Variants in USP49 observed in about 807,000 individuals in gnomAD.
USP49 encodes ubiquitin specific peptidase 49.
In USP49, 24 loss-of-function variants were observed where a neutral mutation model predicts 58.6. The ratio of observed to expected loss-of-function variants is 0.41; its 90% CI spans 0.30 to 0.58. USP49 has a LOEUF of 0.58. USP49 is among the 20% of genes least tolerant of loss of function. The pLI, the probability that USP49 is intolerant of heterozygous loss-of-function variation, is 0.30. For synonymous variants in USP49, 408 were observed against 365.1 expected (o/e 1.12, Z -1.34); for missense variants, 703 against 866.1 (o/e 0.81, Z 2.36).
At chr6:41,878,734 A>G (rs1337875726) in intron 2 of USP49, among the ~76,000 whole-genome samples, 1 of 152,230 alleles carries the variant, frequency 6.6e-6, no homozygotes, top group Non-Finnish European at 1.5e-5. Context: ...TAATGAGAAA[A>G]CATTTATGAA....
chr6:41,822,421 C>T (rs951472527), intron 3 of USP49, among the ~76,000 whole-genome samples: 33 of 152,158 alleles, frequency 2.2e-4, no homozygotes, highest in African/African-American at 7.0e-4. Flanking sequence ...GGTGGTTGTT[C>T]TAAGAAATGG....
At chr6:41,811,150 A>C (rs977166898) in intron 3 of USP49, among the ~76,000 whole-genome samples, 2 of 152,176 alleles carry the variant, frequency 1.3e-5, no homozygotes, top group Admixed American at 1.3e-4. Context: ...AAACCCTCAA[A>C]TCATACAAAG....
At chr6:41,847,542 C>T (rs1358183852) in intron 3 of USP49, among the ~76,000 whole-genome samples, 1 of 151,892 alleles carries the variant, frequency 6.6e-6, no homozygotes, top group Non-Finnish European at 1.5e-5. Context: ...GGTGAAACCC[C>T]GTTTCTACTA....
chr6:41,856,374 CAAA>C (rs534562516), intron 3 of USP49, among the ~76,000 whole-genome samples: 1 of 118,214 alleles, frequency 8.5e-6, no homozygotes, highest in Admixed American at 8.4e-5. Context: ...GACCCCGTCT[CAAA>C]AAAAAAAAAA....
At chr6:41,825,927 T>A (rs1013502404) in intron 3 of USP49, among the ~76,000 whole-genome samples, 1 of 152,190 alleles carries the variant, frequency 6.6e-6, no homozygotes, top group African/African-American at 2.4e-5. Flanking sequence ...ATATGTATCA[T>A]CACTATACCT....
intron 3 of USP49, chr6:41,869,523 A>G (rs1774379166): frequency 6.6e-6 from 1 of 152,196 alleles, no homozygotes; most frequent in Non-Finnish European, 1.5e-5. Flanking sequence ...GAGGCTGGAC[A>G]ACATAGCGAG....
intron 3 of USP49, among the ~76,000 whole-genome samples, chr6:41,857,784 G>C (rs1245172251): frequency 6.6e-6 from 1 of 152,084 alleles, no homozygotes; most frequent in East Asian, 1.9e-4. Flanking sequence ...TTAAGACCCG[G>C]AATAATGAGC....
At position 41,791,251 on chromosome 6, in the gene USP49, G is replaced by A. The variant is rs1490353942; in HGVS notation, c.*5282C>T. On this transcript the variant is annotated 3_prime_UTR_variant, in exon 8 of 8. Transcript: ENST00000682992. ...GTTTTAAAGCCATAATTATGGTTGA[G>A]TAAGGATTCATTTATTTATTTATTA... The A allele has an allele frequency of 6.6e-6, 1 of 152,216 alleles. No homozygotes were observed. The highest frequency in any genetic ancestry group is 1.5e-5 in the Non-Finnish European group (1 of 68,044). 9.4% of individuals were successfully genotyped at this position (152,216 alleles called of 1,614,324 possible).
intron 3 of USP49, among the ~76,000 whole-genome samples, chr6:41,843,154 C>T (rs981221743): frequency 1.3e-4 from 20 of 152,274 alleles, no homozygotes; most frequent in African/African-American, 4.6e-4. Flanking sequence ...GGGCTACAGG[C>T]GTAGGCCACC....
In USP49 at chr6:41,803,973, A is replaced by G. The variant is rs1385109205; in HGVS notation, c.1394T>C (p.Ile465Thr). Residue 465 changes from isoleucine to threonine, a missense_variant, in exon 5 of 8, where the codon ATT becomes ACT. Physicochemically the swap from Ile to Thr is moderately conservative, Grantham distance 89 (BLOSUM62 -1). Transcript: ENST00000682992. The surrounding 1 kb of genome is among the most constrained non-coding windows in gnomAD (Gnocchi z 4.1). ...CAGGGATAGGTCCCAAAAGGGCTCA[A>G]TGGTATTGGATTTGTAATTGCATGA... ...CISCNYKSNT[I>T]EPFWDLSLEF... is the part of the protein sequence containing the mutation. 15 of 1,614,172 alleles carry G rather than the reference A, an allele frequency of 9.3e-6. No homozygotes were observed. Among genetic ancestry groups the G allele is most frequent in the Middle Eastern group, 1.6e-4 (1 of 6,062 alleles).
Position 41,806,602 on chromosome 6 carries a change from G to A in USP49, c.382C>T (p.Leu128=), listed in dbSNP as rs111948785. ...TGTCCCTGAGGAGCGCGCTGCGGCA[G>A]GACCACGTCCTCACCCGAAGCCATG... ...RSMASGEDVV[L]PQRAPQGQPQ... is the part of the protein sequence containing the mutation. Residue 128 remains leucine (L), a synonymous_variant, in exon 4 of 8, where the codon CTG becomes TTG. Coordinates refer to ENST00000682992, the MANE Select transcript of USP49 (RefSeq NM_001286554.2). The surrounding 1 kb of genome is among the most constrained non-coding windows in gnomAD (Gnocchi z 5.9). The A allele has an allele frequency of 3.4e-5, 54 of 1,608,176 alleles. No individual in the cohort carries two copies. The Admixed American group carries it at 8.0e-4, about 24-fold the overall frequency.
intron 3 of USP49, among the ~76,000 whole-genome samples, chr6:41,822,169 T>G (rs959694562): frequency 2.0e-5 from 3 of 152,198 alleles, no homozygotes; most frequent in African/African-American, 7.2e-5. Context: ...CACTTGCAAC[T>G]TGAGAAGCCA....
At chr6:41,831,450 C>T (rs1405566266) in intron 3 of USP49, among the ~76,000 whole-genome samples, 1 of 149,578 alleles carries the variant, frequency 6.7e-6, no homozygotes, top group Admixed American at 6.7e-5. Flanking sequence ...CGTGGTGGTG[C>T]GCACCTGTAA....
At chr6:41,880,743 T>C (rs1774589526) in intron 2 of USP49, among the ~76,000 whole-genome samples, 1 of 152,066 alleles carries the variant, frequency 6.6e-6, no homozygotes, top group Admixed American at 6.6e-5. Context: ...CTCAGGAGCT[T>C]CTGGGGGACA....
In USP49 at chr6:41,791,021, A is replaced by C. The variant is rs1013581240; in HGVS notation, c.*5512T>G. 3 of 152,010 alleles carry C rather than the reference A, an allele frequency of 2.0e-5. No individual in the cohort carries two copies. The highest frequency in any genetic ancestry group is 4.4e-5 in the Non-Finnish European group (3 of 67,998). The allele number at this position is 152,010 out of a possible 1,614,324, so 9.4% of individuals were successfully genotyped here. A position where few individuals can be genotyped will look rare whatever the true frequency, so the allele number is the denominator to read the frequency against. On this transcript the variant is annotated 3_prime_UTR_variant, in exon 8 of 8. Coordinates refer to ENST00000682992, the MANE Select transcript of USP49 (RefSeq NM_001286554.2). ...ACTTGCTAAGACAAGAAATACCAGC[A>C]CCTCCTGTTCTTTATAGGAATGAAA...
At chr6:41,819,396 A>G (rs993451016) in intron 3 of USP49, among the ~76,000 whole-genome samples, 1 of 152,160 alleles carries the variant, frequency 6.6e-6, no homozygotes, top group Non-Finnish European at 1.5e-5. Flanking sequence ...CAAAGGAATC[A>G]TGGTTCATCC....
chr6:41,885,511 G>C (rs1259640504), intron 2 of USP49, among the ~76,000 whole-genome samples: 1 of 152,078 alleles, frequency 6.6e-6, no homozygotes, highest in South Asian at 2.1e-4. Flanking sequence ...CTGAGTGTCA[G>C]CGCACAATCA....
intron 3 of USP49, among the ~76,000 whole-genome samples, chr6:41,824,357 T>C (rs1283323261): frequency 6.6e-6 from 1 of 151,772 alleles, no homozygotes; most frequent in East Asian, 1.9e-4. Flanking sequence ...TCTTGAAAAA[T>C]TGTTTAATAG....
rs1411182021 is a variant in USP49 at position 41,810,318 on chromosome 6, T to TA, written c.-28-3308dup. On this transcript the variant is annotated intron_variant, in intron 3 of 7. Coordinates refer to ENST00000682992, the MANE Select transcript of USP49 (RefSeq NM_001286554.2). ...CAACATGGTGAAACCCCGTCTCTAC[T>TA]AAAAAAAAAAACACAAAAAAAATTA... is the stretch of plus-strand genomic sequence containing the variant. Among the ~76,000 whole-genome samples, 1,166 of 138,778 alleles carry TA rather than the reference T, an allele frequency of 8.4e-3. 14 individuals carry two copies. Among genetic ancestry groups the TA allele is most frequent in the African/African-American group, 0.025 (944 of 37,932 alleles). 91.0% of individuals were successfully genotyped at this position (138,778 alleles called of 152,430 possible).
Sources: gnomAD v4.1 joint callset for allele counts (sites outside exome capture counted in the v4.1 genomes callset) on GRCh38, gnomAD v4.1.1 for gene constraint, Gnocchi (gnomAD v3.1) non-coding constraint, MANE v1.5 for transcripts, NCBI Gene and HGNC (gene_info 2026-07-23, HGNC 2026-07-21) for gene names.